Variants in SCD5 observed in about 807,000 individuals in gnomAD.
The protein encoded by SCD5 is stearoyl-CoA desaturase 5.
SCD5 carries 20 observed loss-of-function variants against 30.4 expected under a neutral mutation model. The observed-to-expected ratio is 0.66, with a 90% CI of 0.46 to 0.96. The LOEUF is 0.96. Ranked by LOEUF, SCD5 falls within the 40% of genes least tolerant of loss-of-function variation. The pLI is 0.00. For synonymous variants in SCD5, 173 were observed against 176.4 expected (o/e 0.98, Z 0.16); for missense variants, 381 against 443.3 (o/e 0.86, Z 1.26).
At chr4:82,642,706 G>A (rs375918220) in intron 3 of SCD5, among the ~76,000 whole-genome samples, 14 of 152,218 alleles carry the variant, frequency 9.2e-5, no homozygotes, top group African/African-American at 2.7e-4. Flanking sequence ...ATCAGGGCTC[G>A]CAGCCCTGAC....
chr4:82,779,367 G>C (rs1721821264), intron 1 of SCD5, among the ~76,000 whole-genome samples: 1 of 152,164 alleles, frequency 6.6e-6, no homozygotes, highest in Admixed American at 6.5e-5. Flanking sequence ...GCCTCTACCA[G>C]GTGAAAAAGG....
chr4:82,759,340 G>A (rs949190092), intron 1 of SCD5, among the ~76,000 whole-genome samples: 30 of 152,242 alleles, frequency 2.0e-4, no homozygotes, highest in South Asian at 6.2e-4. Flanking sequence ...GGCAGGGAGC[G>A]CACCTCCTCT....
At chr4:82,711,823 T>G (rs1720094923) in intron 1 of SCD5, among the ~76,000 whole-genome samples, 1 of 152,028 alleles carries the variant, frequency 6.6e-6, no homozygotes, top group South Asian at 2.1e-4. Flanking sequence ...TCTCTGGATT[T>G]GACTGCACCT....
chr4:82,710,690 T>C (rs1266552601), intron 1 of SCD5, among the ~76,000 whole-genome samples: 1 of 152,092 alleles, frequency 6.6e-6, no homozygotes, highest in Non-Finnish European at 1.5e-5. Flanking sequence ...TCAGTTCAAG[T>C]GTTTTGAAAG....
chr4:82,736,159 G>T (rs1218540571), intron 1 of SCD5, among the ~76,000 whole-genome samples: 2 of 151,850 alleles, frequency 1.3e-5, no homozygotes, highest in Non-Finnish European at 2.9e-5. Flanking sequence ...GTGGTGGCAT[G>T]TGCCTGTAGT....
At chr4:82,639,397 C>T (rs1449209800) in intron 3 of SCD5, among the ~76,000 whole-genome samples, 1 of 152,204 alleles carries the variant, frequency 6.6e-6, no homozygotes, top group Non-Finnish European at 1.5e-5. Context: ...GAGAAGGTCA[C>T]CCACAATGAG....
At chr4:82,715,212 G>A (rs1720200728) in intron 1 of SCD5, among the ~76,000 whole-genome samples, 1 of 150,470 alleles carries the variant, frequency 6.6e-6, no homozygotes, top group African/African-American at 2.5e-5. Context: ...ACTGCAGCCT[G>A]GGTGACAGAG....
chr4:82,740,656 C>A (rs1720853175), intron 1 of SCD5, among the ~76,000 whole-genome samples: 1 of 152,160 alleles, frequency 6.6e-6, no homozygotes, highest in Non-Finnish European at 1.5e-5. Context: ...GTGGTCTATC[C>A]CCTGCAGTGC....
chr4:82,708,005 G>A (rs1560539677), intron 1 of SCD5, among the ~76,000 whole-genome samples: 1 of 152,176 alleles, frequency 6.6e-6, no homozygotes, highest in Non-Finnish European at 1.5e-5. Flanking sequence ...TTCATGGAAG[G>A]AAGGTACATC....
chr4:82,640,475 C>G (rs936869277), intron 3 of SCD5, among the ~76,000 whole-genome samples: 1 of 152,204 alleles, frequency 6.6e-6, no homozygotes, highest in African/African-American at 2.4e-5. Flanking sequence ...TCCCTGTAAT[C>G]GGCTAGGATT....
chr4:82,745,365 G>C (rs1249230809), intron 1 of SCD5, among the ~76,000 whole-genome samples: 1 of 152,196 alleles, frequency 6.6e-6, no homozygotes, highest in Non-Finnish European at 1.5e-5. Flanking sequence ...ACCTCAGCGG[G>C]AGGCCAAATC....
chr4:82,712,532 A>G (rs188237421), intron 1 of SCD5, among the ~76,000 whole-genome samples: 53 of 150,848 alleles, frequency 3.5e-4, no homozygotes, highest in Admixed American at 5.3e-4. Context: ...TGGCCAGGCT[A>G]GTCTCGAACT....
At chr4:82,780,260 C>T (rs1465712841) in intron 1 of SCD5, among the ~76,000 whole-genome samples, 7 of 152,196 alleles carry the variant, frequency 4.6e-5, no homozygotes, top group African/African-American at 1.4e-4. Context: ...CTTGGTGTCA[C>T]CCCCACCATG....
intron 1 of SCD5, among the ~76,000 whole-genome samples, chr4:82,722,424 T>C (rs536956321): frequency 1.3e-5 from 2 of 152,308 alleles, no homozygotes; most frequent in Admixed American, 6.5e-5. Context: ...TAAGATGGTA[T>C]AGTTAGAAAA....
intron 2 of SCD5, among the ~76,000 whole-genome samples, chr4:82,696,038 T>C (rs1719689382): frequency 6.6e-6 from 1 of 152,236 alleles, no homozygotes. Context: ...ATTACTTGTG[T>C]TCTTCATAAG....
At chr4:82,790,894 C>T (rs1722086099) in intron 1 of SCD5, among the ~76,000 whole-genome samples, 1 of 152,116 alleles carries the variant, frequency 6.6e-6, no homozygotes, top group South Asian at 2.1e-4. Context: ...TTTTAATCAC[C>T]ACCCAAGTGA....
At chr4:82,683,242 G>C (rs1728619256) in intron 2 of SCD5, among the ~76,000 whole-genome samples, 2 of 152,196 alleles carry the variant, frequency 1.3e-5, no homozygotes, top group African/African-American at 4.8e-5. Flanking sequence ...TGGTTGGACA[G>C]AGTGAAAACA....
intron 3 of SCD5, among the ~76,000 whole-genome samples, chr4:82,647,371 AC>A (rs1727654382): frequency 1.3e-5 from 2 of 152,184 alleles, no homozygotes; most frequent in South Asian, 4.1e-4. Context: ...AATAAGCTAC[AC>A]ACCAGCAGCC....
chr4:82,696,862 T>C lies in SCD5; in HGVS notation c.363+8421A>G, dbSNP rs150326077. Among the ~76,000 whole-genome samples the C allele has an allele frequency of 3.1e-4, 47 of 152,330 alleles. 1 individual carries two copies. The highest frequency in any genetic ancestry group is 1.1e-3 in the African/African-American group (45 of 41,578). ...AGAAATGACTTGTCAAGGAATTGCA[T>C]TGCAATACAGTCTTCTTCAATGTCC... On this transcript the variant is annotated intron_variant, in intron 2 of 4. Coordinates refer to ENST00000319540, the MANE Select transcript of SCD5 (RefSeq NM_001037582.3).
Sources: allele counts gnomAD v4.1 joint callset (sites outside exome capture counted in the v4.1 genomes callset), GRCh38; gene constraint gnomAD v4.1.1; transcripts MANE v1.5; gene names NCBI Gene and HGNC (gene_info 2026-07-23, HGNC 2026-07-21).